Variants in STMN1 observed in about 807,000 individuals in gnomAD.
The protein encoded by STMN1 is stathmin 1.
Under a neutral mutation model 19.7 loss-of-function variants are expected in STMN1, and 3 were observed. The ratio of observed to expected loss-of-function variants is 0.15; its 90% CI spans 0.07 to 0.39. The LOEUF (loss-of-function observed/expected upper bound fraction) is 0.39, where lower values mean the gene tolerates loss of function less well. Ranked by LOEUF, STMN1 falls within the 10% of genes least tolerant of loss-of-function variation. The pLI is 1.00. For synonymous variants in STMN1, 59 were observed against 58.9 expected (o/e 1.00, Z -0.01); for missense variants, 99 against 176.0 (o/e 0.56, Z 2.48).
At chr1:25,892,372 G>C (rs2048783237) in intron 4 of STMN1, 1 of 319,410 alleles carries the variant, frequency 3.1e-6, no homozygotes, top group South Asian at 1.3e-4. Context: ...CTGGGAGACA[G>C]AGCAAGACTT....
At chr1:25,891,629 C>T (rs773561300) in intron 4 of STMN1, among the ~76,000 whole-genome samples, 6 of 152,156 alleles carry the variant, frequency 3.9e-5, no homozygotes, top group Admixed American at 1.3e-4. Flanking sequence ...GTTTTACAAA[C>T]GTTCTGCATC....
At chr1:25,903,614 C>G in intron 3 of STMN1, 27 bp downstream of exon 3, 1 of 1,608,478 alleles carries the variant, frequency 6.2e-7, no homozygotes. Flanking sequence ...AATTAATATC[C>G]TGCTTTCTGT....
intron 1 of STMN1, chr1:25,905,207 T>G (rs1455175842): frequency 6.6e-6 from 1 of 152,638 alleles, no homozygotes; most frequent in Non-Finnish European, 1.5e-5. Flanking sequence ...TAACCAATAA[T>G]GTTGAACTCC....
In STMN1 at chr1:25,894,138, C is replaced by T. The variant is rs141585842; in HGVS notation, c.378+7353G>A. Among the ~76,000 whole-genome samples the T allele has an allele frequency of 5.6e-3, 850 of 151,800 alleles. 7 individuals carry two copies. The highest frequency in any genetic ancestry group is 0.019 in the African/African-American group (781 of 41,096). ...GGTAAATTAGGAAGTGGTGCCTGTT[C>T]CTGGGAAGATGAGGGAATGTACTGT... On this transcript the variant is annotated intron_variant, in intron 4 of 4. Coordinates refer to the STMN1 transcript ENST00000426559.
downstream of STMN1, among the ~76,000 whole-genome samples, chr1:25,897,501 G>C (rs1012147506): frequency 3.3e-5 from 5 of 152,090 alleles, no homozygotes; most frequent in Non-Finnish European, 7.4e-5. Context: ...GAATGATACA[G>C]AGTAGACAGG....
downstream of STMN1, among the ~76,000 whole-genome samples, chr1:25,899,722 A>C (rs1347426837): frequency 1.3e-5 from 2 of 152,066 alleles, no homozygotes; most frequent in Non-Finnish European, 2.9e-5. Context: ...TAATCCTAAC[A>C]ATCTTAGGAG....
intron 4 of STMN1, among the ~76,000 whole-genome samples, chr1:25,887,985 CTTGTTGTTG>C (rs909993209): frequency 1.3e-5 from 2 of 151,844 alleles, no homozygotes; most frequent in African/African-American, 2.4e-5. Flanking sequence ...GTGCCCGGCC[CTTGTTGTTG>C]TTGTTGTTGT....
rs1357424989 is a variant in STMN1, at chr1:25,900,400, G to A, written c.*616C>T. The A allele has an allele frequency of 4.1e-6, 4 of 985,776 alleles. No individual in the cohort carries two copies. The African/African-American group carries it at 7.0e-5, about 17-fold the overall frequency. 61.1% of individuals were successfully genotyped at this position (985,776 alleles called of 1,614,324 possible). A position where few individuals can be genotyped will look rare whatever the true frequency, so the allele number is the denominator to read the frequency against. On this transcript the variant is annotated 3_prime_UTR_variant, in exon 5 of 5. Transcript: ENST00000455785. ...TCCAAACAAAGCAGTCATTGTGGAA[G>A]GAGACAATGCAAACCACACTGGGGC... is the stretch of plus-strand genomic sequence containing the variant.
chr1:25,904,682 A>G lies in STMN1; in HGVS notation c.-6T>C, dbSNP rs1371086130. 1.9e-6 allele frequency: 3 copies of G among 1,613,864 alleles called. No homozygotes were observed. Among genetic ancestry groups the G allele is most frequent in the African/African-American group, 2.7e-5 (2 of 74,932 alleles). Reference sequence around the variant, plus strand: ...TACCTACCAGAAGAAGCCATGGTGAATAGAAGACAAGCGACAGGCAGTGTA... The same window carrying G: ...TACCTACCAGAAGAAGCCATGGTGAGTAGAAGACAAGCGACAGGCAGTGTA... On this transcript the variant is annotated 5_prime_UTR_variant, in exon 2 of 5. Coordinates refer to ENST00000455785, the MANE Select transcript of STMN1 (RefSeq NM_005563.4).
chr1:25,903,036 T>C (rs2048893713), intron 3 of STMN1: 1 of 152,304 alleles, frequency 6.6e-6, no homozygotes, highest in South Asian at 2.1e-4. Context: ...AGCGGGATAA[T>C]GAATACTTTT....
chr1:25,898,120 C>T (rs928230033), downstream of STMN1, among the ~76,000 whole-genome samples: 1 of 152,174 alleles, frequency 6.6e-6, no homozygotes, highest in African/African-American at 2.4e-5. Flanking sequence ...CCCCCACATT[C>T]AAAAGCCTTC....
intron 4 of STMN1, among the ~76,000 whole-genome samples, chr1:25,886,244 A>G (rs1453346509): frequency 6.6e-6 from 1 of 152,284 alleles, no homozygotes; most frequent in Non-Finnish European, 1.5e-5. Context: ...ATTGGAGGAC[A>G]GTGGGAGGGA....
chr1:25,894,681 G>GA (rs771571833), intron 4 of STMN1, among the ~76,000 whole-genome samples: 3 of 152,114 alleles, frequency 2.0e-5, no homozygotes, highest in East Asian at 3.9e-4. Flanking sequence ...GACCCTGTCT[G>GA]AAAAAAATTC....
downstream of STMN1, among the ~76,000 whole-genome samples, chr1:25,899,649 C>T (rs1186173515): frequency 1.3e-5 from 2 of 152,082 alleles, no homozygotes; most frequent in Non-Finnish European, 2.9e-5. Context: ...AAACAGTAAT[C>T]GTGATTTATA....
chr1:25,901,031 C>A lies in STMN1; in HGVS notation c.435G>T (p.Glu145Asp). Residue 145 changes from glutamate to aspartate, a missense_variant, in exon 5 of 5, where the codon GAG becomes GAT. Physicochemically the swap from Glu to Asp is conservative, Grantham distance 45. This residue lies in a region of STMN1 where 54 missense variants were observed against 79.4 expected (regional missense o/e 0.68). Transcript: ENST00000455785. The stretch of plus-strand genomic sequence containing the variant: ...TCAGAACAAATTAGTCAGCTTCAGT[C>A]TCGTCAGCAGGGTCTTTGGATTCTT... ...KNKESKDPAD[E>D]TEAD is the part of the protein sequence containing the mutation. The A allele has an allele frequency of 6.2e-7, 1 of 1,611,054 alleles. No homozygotes were observed. The highest frequency in any genetic ancestry group is 1.7e-5 in the Admixed American group (1 of 59,660).
In STMN1 at chr1:25,900,956, C is replaced by A; in HGVS notation, c.*60G>T. 1 of 1,611,716 alleles carries A rather than the reference C, an allele frequency of 6.2e-7. No individual in the cohort carries two copies. The highest frequency in any genetic ancestry group is 8.5e-7 in the Non-Finnish European group (1 of 1,179,262). ...GAGGGAAAAAATAAAATGACACTGG[C>A]CAGTACAGTCTTTGGATATTTAGGA... On this transcript the variant is annotated 3_prime_UTR_variant, in exon 5 of 5. Coordinates refer to ENST00000455785, the MANE Select transcript of STMN1 (RefSeq NM_005563.4).
rs1481722958 is a variant in STMN1, at chr1:25,906,142, A to ACGCCCGGTGAT, written c.-63+236_-63+246dup. 2.0e-5 allele frequency: 3 copies of ACGCCCGGTGAT among 152,080 alleles called. No homozygotes were observed. The highest frequency in any genetic ancestry group is 4.8e-5 in the African/African-American group (2 of 41,344). The allele number at this position is 152,080 out of a possible 1,614,324, so 9.4% of individuals were successfully genotyped here. A position where few individuals can be genotyped will look rare whatever the true frequency, so the allele number is the denominator to read the frequency against. On this transcript the variant is annotated intron_variant, in intron 1 of 4. Coordinates refer to ENST00000455785, the MANE Select transcript of STMN1 (RefSeq NM_005563.4). This position sits in a 1 kb window ranked among gnomAD's most constrained non-coding sequence, Gnocchi z 4.5. ...TCTCCTCGACGGCACCCCGGAGCGG[A>ACGCCCGGTGAT]CGCCCGGTGATCGCCCAGCCCCCTG...
intron 4 of STMN1, 151 bp from the exon 5 acceptor site, chr1:25,901,238 G>C: frequency 7.1e-7 from 1 of 1,407,564 alleles, no homozygotes; most frequent in Non-Finnish European, 9.4e-7. Flanking sequence ...TTTAAGTTCT[G>C]AGACATCATC....
At chr1:25,889,219 GGGAAT>G in intron 4 of STMN1, 1 of 283,528 alleles carries the variant, frequency 3.5e-6, no homozygotes, top group Non-Finnish European at 6.9e-6. Context: ...ATGTTTTATT[GGGAAT>G]ACATTTTTCC....
Sources: gnomAD v4.1 joint callset for allele counts (sites outside exome capture counted in the v4.1 genomes callset) on GRCh38, gnomAD v4.1.1 for gene constraint, gnomAD v4.1.1 regional missense constraint, Gnocchi (gnomAD v3.1) non-coding constraint, MANE v1.5 for transcripts, NCBI Gene and HGNC (gene_info 2026-07-23, HGNC 2026-07-21) for gene names.